The following ESR1 variants were observed in gnomAD, a reference collection of about 807,000 sequenced individuals.
ESR1 encodes estrogen receptor.
A neutral mutation model predicts 52.7 loss-of-function variants in ESR1; 12 were observed. The observed-to-expected ratio is 0.23, with a 90% confidence interval of 0.15 to 0.37. The LOEUF is 0.37. Ranked by LOEUF, ESR1 falls within the 10% of genes least tolerant of loss-of-function variation. ESR1 has a pLI of 1.00. For synonymous variants in ESR1, 305 were observed against 316.8 expected, an observed-to-expected ratio of 0.96 and a Z score of 0.39; for missense variants, 584 against 779.7, an observed-to-expected ratio of 0.75 and a Z score of 2.99.
At chr6:151,825,899 A>G (rs1781393671) in intron 1 of ESR1, among the ~76,000 whole-genome samples, 1 of 138,382 alleles carries the variant, frequency 7.2e-6, no homozygotes, top group Non-Finnish European at 1.5e-5. Flanking sequence ...TGGCAGAGCA[A>G]GACTCCATCT....
chr6:151,750,097 A>C (rs986583118), intron 2 of ESR1, among the ~76,000 whole-genome samples: 3 of 152,170 alleles, frequency 2.0e-5, no homozygotes, highest in Non-Finnish European at 4.4e-5. Flanking sequence ...CATGTAAACT[A>C]ATACCTACTT....
chr6:151,865,625 A>C (rs1246152586), intron 2 of ESR1, among the ~76,000 whole-genome samples: 1 of 152,230 alleles, frequency 6.6e-6, no homozygotes. Flanking sequence ...GCCAGACGAC[A>C]AGGAGACATA....
chr6:152,003,813 A>T (rs1299817488), intron 4 of ESR1, among the ~76,000 whole-genome samples: 2 of 151,974 alleles, frequency 1.3e-5, no homozygotes, highest in Non-Finnish European at 2.9e-5. Flanking sequence ...TAAAAAGAAT[A>T]TACCCAGTAT....
chr6:151,817,105 T>G (rs1329040891), intron 1 of ESR1, among the ~76,000 whole-genome samples: 1 of 152,126 alleles, frequency 6.6e-6, no homozygotes, highest in Non-Finnish European at 1.5e-5. Flanking sequence ...AGTTGGAAGC[T>G]CATACTTAGG....
At chr6:151,812,900 T>C (rs1476849808) in intron 1 of ESR1, among the ~76,000 whole-genome samples, 1 of 152,108 alleles carries the variant, frequency 6.6e-6, no homozygotes, top group Admixed American at 6.5e-5. Flanking sequence ...AAGGAGGCAG[T>C]TCACCAAAGT....
chr6:151,716,732 G>A (rs868255733), intron 2 of ESR1, among the ~76,000 whole-genome samples: 2 of 152,210 alleles, frequency 1.3e-5, no homozygotes, highest in Non-Finnish European at 2.9e-5. Flanking sequence ...TGCTGGCAGC[G>A]AGAATTTCAA....
chr6:151,808,141 G>C lies in ESR1; in HGVS notation c.229G>C (p.Gly77Arg), dbSNP rs9340773. The C allele has an allele frequency of 1.0e-5, 16 of 1,604,744 alleles. No individual in the cohort carries two copies. The highest frequency in any genetic ancestry group is 1.4e-5 in the Non-Finnish European group (16 of 1,176,296). The change falls in exon 1 of 8, where the codon GGC becomes CGC. Residue 77 changes from glycine (G) to arginine (R), a missense_variant. Around this residue, in one of 6 missense-constraint regions of ESR1, gnomAD observed 251 missense variants for 246.1 expected, o/e 1.02. Coordinates refer to ENST00000206249, the MANE Select transcript of ESR1 (RefSeq NM_000125.4). ...AANAQVYGQT[G>R]LPYGPGSEAA... ...CAACGCGCAGGTCTACGGTCAGACC[G>C]GCCTCCCCTACGGCCCCGGGTCTGA... is the stretch of plus-strand genomic sequence containing the variant.
At chr6:151,864,542 G>C (rs922708761) in intron 2 of ESR1, among the ~76,000 whole-genome samples, 1 of 152,124 alleles carries the variant, frequency 6.6e-6, no homozygotes, top group Admixed American at 6.5e-5. Flanking sequence ...ATTCCTCAGG[G>C]ATCTACAACT....
chr6:151,954,156 G>A (rs528417818), intron 4 of ESR1, among the ~76,000 whole-genome samples: 1 of 152,268 alleles, frequency 6.6e-6, no homozygotes, highest in African/African-American at 2.4e-5. Context: ...CTAGTTCCAG[G>A]GAATCTTAAG....
At chr6:151,895,960 T>C (rs1795430137) in intron 3 of ESR1, among the ~76,000 whole-genome samples, 1 of 152,118 alleles carries the variant, frequency 6.6e-6, no homozygotes, top group Admixed American at 6.5e-5. Context: ...CAGCTAATTT[T>C]TGTATTTTTA....
At chr6:152,086,227 C>T (rs2049704105) in intron 6 of ESR1, among the ~76,000 whole-genome samples, 1 of 151,986 alleles carries the variant, frequency 6.6e-6, no homozygotes. Context: ...AGTAGGAAAT[C>T]CAGAACCCTG....
intron 2 of ESR1, among the ~76,000 whole-genome samples, chr6:151,857,153 G>T (rs772106806): frequency 6.6e-6 from 1 of 152,040 alleles, no homozygotes; most frequent in African/African-American, 2.4e-5. Flanking sequence ...GGATTCAACC[G>T]ACTGCAAATC....
intron 1 of ESR1, among the ~76,000 whole-genome samples, chr6:151,835,117 G>A (rs998011227): frequency 2.6e-5 from 4 of 152,130 alleles, no homozygotes; most frequent in African/African-American, 9.7e-5. Context: ...TCAGAGAAGA[G>A]GAAGGGTGCT....
intron 6 of ESR1, among the ~76,000 whole-genome samples, chr6:152,065,296 C>T (rs542641347): frequency 6.6e-6 from 1 of 152,238 alleles, no homozygotes. Flanking sequence ...TTGAGAGACC[C>T]TGATGAAAAC....
chr6:151,858,560 C>G (rs1207944497), intron 2 of ESR1, among the ~76,000 whole-genome samples: 2 of 151,590 alleles, frequency 1.3e-5, no homozygotes, highest in Non-Finnish European at 2.9e-5. Context: ...GACCCATTAC[C>G]CTGCCTTTGG....
In ESR1 at chr6:151,995,630, G is replaced by T. The variant is rs150163692; in HGVS notation, c.1097-16026G>T. Among the ~76,000 whole-genome samples, 8 of 152,204 alleles carry T rather than the reference G, an allele frequency of 5.3e-5. No individual in the cohort carries two copies. The East Asian group carries it at 1.5e-3, about 29-fold the overall frequency. ...TATTTTCTAGTTAGACTTTTTTGAA[G>T]ATACAAATCATTTGAATTATCATTA... On this transcript the variant is annotated intron_variant, in intron 4 of 7. Transcript: ENST00000206249.
chr6:151,696,115 G>A, intron 1 of ESR1, among the ~76,000 whole-genome samples: 1 of 151,984 alleles, frequency 6.6e-6, no homozygotes, highest in Middle Eastern at 3.2e-3. Flanking sequence ...GAGTAATATT[G>A]ACAAGGGCCT....
chr6:152,125,278 T>TAG lies in ESR1; in HGVS notation c.865_866dup (p.Ala290LysfsTer7), dbSNP rs1281224831. 1.3e-6 allele frequency: 2 copies of TAG among 1,550,340 alleles called. No homozygotes were observed. Among genetic ancestry groups the TAG allele is most frequent in the African/African-American group, 2.7e-5 (2 of 73,040 alleles). On this transcript the variant is annotated frameshift_variant, in exon 7 of 7. Transcript: ENST00000427531. LOFTEE classifies it low-confidence loss of function (END_TRUNC). Reference sequence around the variant, plus strand: ...ATTCATTTCACAGGTATCTCACATGTAGAAGCAAAGAAGAGAATCCTGAAC... The same window carrying TAG: ...ATTCATTTCACAGGTATCTCACATGTAGAGAAGCAAAGAAGAGAATCCTGAAC...
intron 2 of ESR1, among the ~76,000 whole-genome samples, chr6:151,879,625 C>T (rs555916962): frequency 9.2e-5 from 14 of 152,236 alleles, no homozygotes; most frequent in African/African-American, 2.9e-4. Context: ...GTAACAACAA[C>T]GAACATCTTT....
Sources: allele counts gnomAD v4.1 joint callset (sites outside exome capture counted in the v4.1 genomes callset), GRCh38; gene constraint gnomAD v4.1.1; regional missense constraint gnomAD v4.1.1; transcripts MANE v1.5; gene names NCBI Gene and HGNC (gene_info 2026-07-23, HGNC 2026-07-21).